DGKI: variants seen among roughly 807,000 people sequenced by gnomAD.
DGKI encodes DAG kinase iota.
Under a neutral mutation model 147.5 loss-of-function variants are expected in DGKI, and 55 were observed. That is an observed-to-expected ratio of 0.37 (90% confidence interval 0.30 to 0.47). DGKI has a LOEUF of 0.47. Ranked by LOEUF, DGKI falls within the 20% of genes least tolerant of loss-of-function variation. The probability of loss-of-function intolerance (pLI) is 1.00; values close to 1 mark genes in which losing one functional copy is unlikely to be tolerated. For missense variants in DGKI, 1,007 were observed against 1,323.8 expected (o/e 0.76, Z 3.71); for synonymous variants, 469 against 477.1 (o/e 0.98, Z 0.22).
intron 29 of DGKI, among the ~76,000 whole-genome samples, chr7:137,410,213 G>A (rs1296029924): frequency 6.6e-6 from 1 of 152,114 alleles, no homozygotes; most frequent in Non-Finnish European, 1.5e-5. Context: ...AGATCATCCT[G>A]GCTAACACGG....
chr7:137,579,351 T>C (rs1402848191), intron 15 of DGKI, among the ~76,000 whole-genome samples: 1 of 151,612 alleles, frequency 6.6e-6, no homozygotes, highest in Non-Finnish European at 1.5e-5. Flanking sequence ...GTCTTGCTTA[T>C]CCTGTTTTTT....
chr7:137,717,104 C>T (rs528388488), intron 1 of DGKI, among the ~76,000 whole-genome samples: 3 of 152,252 alleles, frequency 2.0e-5, no homozygotes, highest in Non-Finnish European at 2.9e-5. Flanking sequence ...CTTTGGGCCA[C>T]GAAGTGACCA....
chr7:137,708,168 C>A (rs1585394202), intron 1 of DGKI, among the ~76,000 whole-genome samples: 1 of 152,192 alleles, frequency 6.6e-6, no homozygotes, highest in African/African-American at 2.4e-5. Context: ...GGTCGCCAAG[C>A]CTGGCTAAGC....
chr7:137,832,905 C>T (rs1464641813), intron 1 of DGKI, among the ~76,000 whole-genome samples: 3 of 152,178 alleles, frequency 2.0e-5, no homozygotes, highest in Non-Finnish European at 2.9e-5. Context: ...CTCTCAAGTT[C>T]TAAGTTCCAC....
At chr7:137,578,909 A>T in intron 15 of DGKI, among the ~76,000 whole-genome samples, 1 of 152,222 alleles carries the variant, frequency 6.6e-6, no homozygotes, top group East Asian at 1.9e-4. Flanking sequence ...AATTAATGCC[A>T]GTTTAATTAT....
At chr7:137,454,103 A>G (rs190910173) in intron 27 of DGKI, among the ~76,000 whole-genome samples, 1 of 152,144 alleles carries the variant, frequency 6.6e-6, no homozygotes, top group Non-Finnish European at 1.5e-5. Context: ...ATATATTCTT[A>G]AAAAATGCAC....
At chr7:137,397,440 G>A (rs146791612) in intron 30 of DGKI, 27 bp from the exon 31 acceptor site, 77 of 1,606,568 alleles carry the variant, frequency 4.8e-5, no homozygotes, top group East Asian at 2.9e-4. Flanking sequence ...CAAGATGACC[G>A]TCAAAAATAA....
At chr7:137,706,386 CAGTTA>C (rs1563159429) in intron 1 of DGKI, among the ~76,000 whole-genome samples, 1 of 151,662 alleles carries the variant, frequency 6.6e-6, no homozygotes, top group African/African-American at 2.4e-5. Flanking sequence ...CCTTTAGTTC[CAGTTA>C]AAACAAAATG....
chr7:137,618,551 C>T (rs927983612), intron 8 of DGKI, among the ~76,000 whole-genome samples: 2 of 151,420 alleles, frequency 1.3e-5, no homozygotes, highest in African/African-American at 2.4e-5. Context: ...CTGATACAAT[C>T]GAGGTTTTCA....
intron 3 of DGKI, among the ~76,000 whole-genome samples, chr7:137,667,117 G>T (rs917921654): frequency 6.6e-6 from 1 of 151,956 alleles, no homozygotes; most frequent in Non-Finnish European, 1.5e-5. Context: ...ATTTTTACAC[G>T]CTCTTCAAGG....
At position 137,678,658 on chromosome 7, in the gene DGKI, A is replaced by T; in HGVS notation, c.511-6T>A. The T allele has an allele frequency of 6.2e-7, 1 of 1,613,888 alleles. No homozygotes were observed. The highest frequency in any genetic ancestry group is 8.5e-7 in the Non-Finnish European group (1 of 1,179,804). On this transcript the variant is annotated splice_polypyrimidine_tract_variant and splice_region_variant and intron_variant, in intron 2 of 32. Transcript: ENST00000614521. ...TCTCCATTCACGGCATTCTCCTGCA[A>T]GGAAAAGACCCACCTGACATCAATT...
At chr7:137,507,861 C>T (rs1684984932) in intron 21 of DGKI, among the ~76,000 whole-genome samples, 2 of 152,048 alleles carry the variant, frequency 1.3e-5, no homozygotes, top group African/African-American at 4.8e-5. Context: ...CTACACATTC[C>T]CCAAGACCAG....
intron 1 of DGKI, among the ~76,000 whole-genome samples, chr7:137,844,649 G>A (rs1056760514): frequency 2.0e-5 from 3 of 152,330 alleles, no homozygotes; most frequent in East Asian, 1.9e-4. Context: ...AACATGCTGC[G>A]TCTGTGTCCA....
intron 30 of DGKI, among the ~76,000 whole-genome samples, chr7:137,398,248 C>T (rs1393770048): frequency 6.6e-6 from 1 of 152,086 alleles, no homozygotes; most frequent in Non-Finnish European, 1.5e-5. Flanking sequence ...TTGGGACCAC[C>T]CCAGGCAAGG....
chr7:137,499,739 C>T (rs758519721), intron 21 of DGKI, among the ~76,000 whole-genome samples: 3 of 152,124 alleles, frequency 2.0e-5, no homozygotes, highest in Non-Finnish European at 2.9e-5. Flanking sequence ...CACTGATTTA[C>T]ACCACTGGCT....
chr7:137,675,683 CAAAAAAAAAAA>C (rs61282606), intron 3 of DGKI, among the ~76,000 whole-genome samples: 5 of 107,706 alleles, frequency 4.6e-5, no homozygotes, highest in Non-Finnish European at 5.9e-5. Context: ...AGACTACATC[CAAAAAAAAAAA>C]AAAAAAAAAA....
At position 137,385,734 on chromosome 7, in the gene DGKI, G is replaced by A. The variant is rs979841889; in HGVS notation, c.*5486C>T. 8.6e-5 allele frequency: 13 copies of A among 152,024 alleles called. No individual in the cohort carries two copies. Among genetic ancestry groups the A allele is most frequent in the Admixed American group, 7.2e-4 (11 of 15,244 alleles). 9.4% of individuals were successfully genotyped at this position (152,024 alleles called of 1,614,324 possible). ...AATCTACTATGACTCCAGTAAAATG[G>A]AAATGCAAAATATTATTCTCTTCCT... is the stretch of plus-strand genomic sequence containing the variant. On this transcript the variant is annotated 3_prime_UTR_variant, in exon 33 of 33. Transcript: ENST00000614521.
At chr7:137,651,894 T>C (rs1822039993) in intron 5 of DGKI, among the ~76,000 whole-genome samples, 1 of 152,272 alleles carries the variant, frequency 6.6e-6, no homozygotes, top group African/African-American at 2.4e-5. Context: ...GAAAAATAAA[T>C]AATACCTAAT....
intron 2 of DGKI, among the ~76,000 whole-genome samples, chr7:137,684,855 C>T (rs969265394): frequency 2.6e-5 from 4 of 152,276 alleles, no homozygotes; most frequent in South Asian, 2.1e-4. Flanking sequence ...GGGGGCCTGA[C>T]GCCCAAAATT....
Sources: gnomAD v4.1 joint callset for allele counts (sites outside exome capture counted in the v4.1 genomes callset) on GRCh38, gnomAD v4.1.1 for gene constraint, MANE v1.5 for transcripts, NCBI Gene and HGNC (gene_info 2026-07-23, HGNC 2026-07-21) for gene names.